Variants in TSPEAR observed in about 807,000 individuals in gnomAD.
TSPEAR encodes the protein thrombospondin-type laminin G domain and EAR repeat-containing protein.
TSPEAR carries 69 observed loss-of-function variants against 71.6 expected under a neutral mutation model. The observed-to-expected ratio is 0.96, with a 90% CI of 0.79 to 1.18. TSPEAR has a LOEUF of 1.18. TSPEAR is among the 50% of genes most tolerant of loss of function. The pLI is 0.00. For synonymous variants in TSPEAR, 402 were observed against 387.2 expected, an observed-to-expected ratio of 1.04 and a Z score of -0.45; for missense variants, 971 against 894.9, an observed-to-expected ratio of 1.09 and a Z score of -1.09.
At chr21:44,697,028 TCACTCACTCCCTCCCTCCTG>T in intron 1 of TSPEAR, 11 of 862,976 alleles carry the variant, frequency 1.3e-5, no homozygotes, top group Admixed American at 8.1e-5. Context: ...ACCCAGACGC[TCACTCACTCCCTCCCTCCTG>T]CCCATCCAGC....
chr21:44,562,935 G>C (rs1239835379), intron 2 of TSPEAR, among the ~76,000 whole-genome samples: 1 of 152,060 alleles, frequency 6.6e-6, no homozygotes, highest in Non-Finnish European at 1.5e-5. Context: ...CAAAACAGCA[G>C]TAAAACTAAT....
intron 5 of TSPEAR, among the ~76,000 whole-genome samples, chr21:44,528,954 C>T (rs371764640): frequency 5.3e-5 from 8 of 152,358 alleles, no homozygotes; most frequent in African/African-American, 1.4e-4. Context: ...ATCTTAACGA[C>T]GGCTTGGCTT....
At chr21:44,637,589 G>A (rs782669497) in intron 1 of TSPEAR, 2 of 1,613,842 alleles carry the variant, frequency 1.2e-6, no homozygotes, top group Non-Finnish European at 8.5e-7. Context: ...GACGGCCTGT[G>A]AGCCCAGCGC....
At chr21:44,693,072 G>A (rs1295834138) in intron 1 of TSPEAR, among the ~76,000 whole-genome samples, 2 of 152,108 alleles carry the variant, frequency 1.3e-5, no homozygotes, top group Non-Finnish European at 2.9e-5. Context: ...ATGGCCAACT[G>A]ATTTTCAACA....
intron 1 of TSPEAR, among the ~76,000 whole-genome samples, chr21:44,611,457 C>T (rs782304616): frequency 6.6e-6 from 1 of 152,074 alleles, no homozygotes; most frequent in African/African-American, 2.4e-5. Flanking sequence ...CAAGATTCTG[C>T]GGCCTCCCCA....
intron 1 of TSPEAR, among the ~76,000 whole-genome samples, chr21:44,590,773 A>G (rs397834519): frequency 5.4e-5 from 8 of 147,386 alleles, no homozygotes; most frequent in South Asian, 2.1e-4. Flanking sequence ...AGGGGCCCAG[A>G]GTGCTGCCAG....
At chr21:44,565,893 G>C (rs1054164915) in intron 2 of TSPEAR, among the ~76,000 whole-genome samples, 1 of 152,198 alleles carries the variant, frequency 6.6e-6, no homozygotes, top group Non-Finnish European at 1.5e-5. Context: ...AAGGTTGCAG[G>C]ATACAACGTC....
intron 1 of TSPEAR, among the ~76,000 whole-genome samples, chr21:44,633,630 G>GT (rs1480149479): frequency 6.6e-6 from 1 of 152,096 alleles, no homozygotes; most frequent in Non-Finnish European, 1.5e-5. Context: ...ATTGAGACTT[G>GT]TTTTTTGGAC....
rs2053357064 is a variant in TSPEAR, at chr21:44,549,228, TG to T, written c.304-15306del. Reference sequence around the variant, plus strand: ...CTCAAATAAGGAAAGGAATGTGAGCTGGTGCTGTGGCATGCCTGGGCGTGTA... The same window carrying T: ...CTCAAATAAGGAAAGGAATGTGAGCTGTGCTGTGGCATGCCTGGGCGTGTA... On this transcript the variant is annotated intron_variant, in intron 2 of 11. Transcript: ENST00000323084. 1.3e-5 allele frequency among the ~76,000 whole-genome samples: 2 copies of T among 152,244 alleles called. 1 individual carries two copies. Among genetic ancestry groups the T allele is most frequent in the Admixed American group, 1.3e-4 (2 of 15,300 alleles).
chr21:44,514,617 A>C (rs1168833438), intron 9 of TSPEAR, among the ~76,000 whole-genome samples: 1 of 152,208 alleles, frequency 6.6e-6, no homozygotes, highest in Non-Finnish European at 1.5e-5. Context: ...TTTGGAGTCC[A>C]CATTTGGTGA....
At chr21:44,523,687 A>T (rs2052784332) in intron 8 of TSPEAR, among the ~76,000 whole-genome samples, 1 of 150,666 alleles carries the variant, frequency 6.6e-6, no homozygotes, top group African/African-American at 2.4e-5. Flanking sequence ...GTCATCAGCC[A>T]GTCAGATAGG....
At chr21:44,614,305 C>T (rs928941372) in intron 1 of TSPEAR, among the ~76,000 whole-genome samples, 1 of 152,264 alleles carries the variant, frequency 6.6e-6, no homozygotes, top group Non-Finnish European at 1.5e-5. Flanking sequence ...TGGCCTGTGC[C>T]GTGCACTTTG....
At chr21:44,658,277 G>A (rs1985285215) in intron 1 of TSPEAR, 4 of 1,612,600 alleles carry the variant, frequency 2.5e-6, no homozygotes, top group East Asian at 2.2e-5. Flanking sequence ...CTGACCAGCT[G>A]CTCCTGGTAC....
At chr21:44,703,664 C>T (rs1203637844) in intron 1 of TSPEAR, among the ~76,000 whole-genome samples, 1 of 152,178 alleles carries the variant, frequency 6.6e-6, no homozygotes, top group African/African-American at 2.4e-5. Context: ...TTCTGTGGCC[C>T]CAGGTCTAGC....
chr21:44,596,170 T>C (rs1259815726), intron 1 of TSPEAR, among the ~76,000 whole-genome samples: 9 of 152,242 alleles, frequency 5.9e-5, no homozygotes, highest in Admixed American at 3.9e-4. Flanking sequence ...CCTCAGTTTG[T>C]CACCAGCTGT....
chr21:44,650,446 C>CGATGGCGGCAGAGACTGGGGCCACGTGAT (rs1569241017), intron 1 of TSPEAR, among the ~76,000 whole-genome samples: 3,042 of 152,290 alleles, frequency 0.02, 104 homozygotes, highest in African/African-American at 0.069. Flanking sequence ...GGCCACGTGA[C>CGATGGCGGCAGAGACTGGGGCCACGTGAT]GACGGGGGCA....
intron 1 of TSPEAR, among the ~76,000 whole-genome samples, chr21:44,683,601 T>C (rs1286726122): frequency 6.6e-6 from 1 of 152,044 alleles, no homozygotes; most frequent in East Asian, 1.9e-4. Context: ...CCTGGGAGGT[T>C]GAGGATGCCA....
chr21:44,640,001 T>C, intron 1 of TSPEAR, among the ~76,000 whole-genome samples: 1 of 152,204 alleles, frequency 6.6e-6, no homozygotes, highest in South Asian at 2.1e-4. Context: ...TGTCACTCAC[T>C]GTGTGACCCT....
At chr21:44,632,438 A>C (rs1983309896) in intron 1 of TSPEAR, among the ~76,000 whole-genome samples, 1 of 152,258 alleles carries the variant, frequency 6.6e-6, no homozygotes, top group Admixed American at 6.5e-5. Context: ...CTTCTGGATA[A>C]ATAAATGCTG....
Sources: allele counts gnomAD v4.1 joint callset (sites outside exome capture counted in the v4.1 genomes callset), GRCh38; gene constraint gnomAD v4.1.1; transcripts MANE v1.5; gene names NCBI Gene and HGNC (gene_info 2026-07-23, HGNC 2026-07-21).